TULP1: variants seen among roughly 807,000 people sequenced by gnomAD.
TULP1 encodes tubby-related protein 1.
A neutral mutation model predicts 67.1 loss-of-function variants in TULP1; 50 were observed. The ratio of observed to expected loss-of-function variants is 0.75; its 90% CI spans 0.59 to 0.94. The LOEUF (loss-of-function observed/expected upper bound fraction) is 0.94. Among genes scored for constraint, TULP1 ranks in the 40% least tolerant of loss-of-function variants. The pLI is 0.00. For synonymous variants in TULP1, 297 were observed against 294.0 expected, an observed-to-expected ratio of 1.01 and a Z score of -0.11; for missense variants, 746 against 734.1, an observed-to-expected ratio of 1.02 and a Z score of -0.19.
chr6:35,503,888 C>A lies in TULP1; in HGVS notation c.1113-40G>T. 1 of 1,487,194 alleles carries A rather than the reference C, an allele frequency of 6.7e-7. No individual in the cohort carries two copies. The highest frequency in any genetic ancestry group is 1.2e-5 in the South Asian group (1 of 84,998). 92.1% of individuals were successfully genotyped at this position (1,487,194 alleles called of 1,614,324 possible). On this transcript the variant is annotated intron_variant, in intron 11 of 14. Transcript: ENST00000229771. This position sits in a 1 kb window ranked among gnomAD's most constrained non-coding sequence, Gnocchi z 4.0. ...GAGCTTGGGGTGGGGCTGAGGGGAT[C>A]CTACATCCCTGCCCCAGGCCCCTTC... is the stretch of plus-strand genomic sequence containing the variant.
intron 13 of TULP1, among the ~76,000 whole-genome samples, chr6:35,500,910 T>C (rs1303986893): frequency 1.3e-5 from 2 of 152,258 alleles, no homozygotes; most frequent in African/African-American, 4.8e-5. Context: ...GCCCACAGGC[T>C]GAGTGAACCC....
rs777211292 is a variant in TULP1, at chr6:35,509,732, T to C, written c.620A>G (p.Lys207Arg). 1.9e-6 allele frequency: 3 copies of C among 1,614,054 alleles called. No individual in the cohort carries two copies. Among genetic ancestry groups the C allele is most frequent in the East Asian group, 4.5e-5 (2 of 44,848 alleles). ...TKKKGSGEAD[K>R]DPSGSPASAR... ...ACTGGCTGGGCTCCCTGAGGGGTCC[T>C]TGTCGGCCTCCCCAGACCCTGCATG... is the stretch of plus-strand genomic sequence containing the variant. The change falls in exon 7 of 15, where the codon AAG becomes AGG. Residue 207 changes from lysine (K) to arginine (R), a missense_variant. Around this residue, in one of 3 missense-constraint regions of TULP1, gnomAD observed 359 missense variants for 341.9 expected, o/e 1.05. Transcript: ENST00000229771.
At chr6:35,504,418 C>G (rs138925666) in intron 11 of TULP1, among the ~76,000 whole-genome samples, 34 of 152,302 alleles carry the variant, frequency 2.2e-4, no homozygotes, top group African/African-American at 7.5e-4. Flanking sequence ...CCATCTCTTA[C>G]TATTACTAGC....
Position 35,511,744 on chromosome 6 carries a change from G to T in TULP1, c.253C>A (p.Gln85Lys). The T allele has an allele frequency of 6.3e-7, 1 of 1,585,972 alleles. No individual in the cohort carries two copies. Among genetic ancestry groups the T allele is most frequent in the Non-Finnish European group, 8.6e-7 (1 of 1,166,590 alleles). ...CTGAGGAACCTGGCGTAGACCGTCTGCGGCGCCCGGGCCTGGGCTGGGTCT... is the reference window on the plus strand; with the variant it reads ...CTGAGGAACCTGGCGTAGACCGTCTTCGGCGCCCGGGCCTGGGCTGGGTCT... ...SPDPAQARAP[Q>K]TVYARFLRDP... The change falls in exon 4 of 15, where the codon CAG becomes AAG. Residue 85 changes from glutamine to lysine, a missense_variant. Gln to Lys is a moderately conservative substitution (Grantham distance 53). This residue lies in a region of TULP1 where 359 missense variants were observed against 341.9 expected (regional missense o/e 1.05). Transcript: ENST00000229771.
chr6:35,506,065 T>C lies in TULP1; in HGVS notation c.937A>G (p.Lys313Glu), dbSNP rs1761076886. 3 of 1,613,718 alleles carry C rather than the reference T, an allele frequency of 1.9e-6. No individual in the cohort carries two copies. The highest frequency in any genetic ancestry group is 2.7e-5 in the African/African-American group (2 of 74,934). Reference sequence around the variant, plus strand: ...TACATGCCTCGATCCATGCCCTTTTTGTCCCGGGTCAGCCGGCAGCGCACC... The same window carrying C: ...TACATGCCTCGATCCATGCCCTTTTCGTCCCGGGTCAGCCGGCAGCGCACC... ...RTVRCRLTRD[K>E]KGMDRGMYPS... is the part of the protein sequence containing the mutation. The change falls in exon 10 of 15, where the codon AAA (lysine) becomes GAA (glutamate). Residue 313 changes from lysine (K) to glutamate (E), a missense_variant. Physicochemically the swap from Lys to Glu is moderately conservative, Grantham distance 56. Coordinates refer to ENST00000229771, the MANE Select transcript of TULP1 (RefSeq NM_003322.6).
In TULP1 at chr6:35,509,248, CTTCT is replaced by C; in HGVS notation, c.779_782del (p.Lys260ArgfsTer49). 1 of 1,613,750 alleles carries C rather than the reference CTTCT, an allele frequency of 6.2e-7. No homozygotes were observed. The highest frequency in any genetic ancestry group is 8.5e-7 in the Non-Finnish European group (1 of 1,179,884). Reference sequence around the variant, plus strand: ...CTTTGGCTTTGCCCTTTTGATTGCTCTTCTTTATCACCGTAGCTGCCTCCTCCTC... The same window carrying C: ...CTTTGGCTTTGCCCTTTTGATTGCTCTTATCACCGTAGCTGCCTCCTCCTC... On this transcript the variant is annotated frameshift_variant, in exon 8 of 15. Coordinates refer to ENST00000229771, the MANE Select transcript of TULP1 (RefSeq NM_003322.6). LOFTEE classifies it high-confidence loss of function.
Position 35,503,498 on chromosome 6 carries a change from C to T in TULP1, c.1323+61G>A. 1 of 1,512,106 alleles carries T rather than the reference C, an allele frequency of 6.6e-7. No homozygotes were observed. Among genetic ancestry groups the T allele is most frequent in the South Asian group, 1.2e-5 (1 of 83,190 alleles). The allele number at this position is 1,512,106 out of a possible 1,614,324, so 93.7% of individuals were successfully genotyped here. A position where few individuals can be genotyped will look rare whatever the true frequency, so the allele number is the denominator to read the frequency against. ...CTCAGGGAGTTGGCTATTTCCTAAG[C>T]TGAGCCCCGACTCCTGTTTCTCACA... is the stretch of plus-strand genomic sequence containing the variant. On this transcript the variant is annotated intron_variant, in intron 13 of 14. Transcript: ENST00000229771. This position sits in a 1 kb window ranked among gnomAD's most constrained non-coding sequence, Gnocchi z 4.0.
Position 35,498,419 on chromosome 6 carries a change from C to T in TULP1, c.1537G>A (p.Ala513Thr). 1 of 1,613,940 alleles carries T rather than the reference C, an allele frequency of 6.2e-7. No homozygotes were observed. The highest frequency in any genetic ancestry group is 8.5e-7 in the Non-Finnish European group (1 of 1,180,018). Residue 513 changes from alanine to threonine, a missense_variant, in exon 15 of 15, where the codon GCC (alanine) becomes ACC (threonine). Transcript: ENST00000229771. This position sits in a 1 kb window ranked among gnomAD's most constrained non-coding sequence, Gnocchi z 6.7. ...GGGTACCGGTAGTCTAGGGTGAAGG[C>T]GTCCTCCGCCACGCGGCCGAACTGC... ...VLQFGRVAED[A>T]FTLDYRYPLC...
intron 3 of TULP1, 185 bp from the exon 4 acceptor site, chr6:35,511,991 C>G: frequency 1.4e-6 from 1 of 706,592 alleles, no homozygotes; most frequent in South Asian, 2.2e-5. Flanking sequence ...CCCCCTTCTA[C>G]CCCAACGCCA....
At chr6:35,510,752 T>G in intron 5 of TULP1, 109 bp downstream of exon 5, 1 of 1,601,246 alleles carries the variant, frequency 6.2e-7, no homozygotes, top group Non-Finnish European at 8.5e-7. Context: ...GTCACAGCAC[T>G]GGGTTCATTT....
chr6:35,497,927 A>C lies in TULP1; in HGVS notation c.*400T>G. On this transcript the variant is annotated 3_prime_UTR_variant, in exon 15 of 15. Coordinates refer to ENST00000229771, the MANE Select transcript of TULP1 (RefSeq NM_003322.6). ...TGTGGGTGCCTGGCCCTCGTCCCCC[A>C]TCACCTACCCCCTCCTCCTAGCCCG... 1 of 274,394 alleles carries C rather than the reference A, an allele frequency of 3.6e-6. No homozygotes were observed. The highest frequency in any genetic ancestry group is 7.1e-6 in the Non-Finnish European group (1 of 140,900). The allele number at this position is 274,394 out of a possible 1,614,324, so 17.0% of individuals were successfully genotyped here.
Position 35,498,590 on chromosome 6 carries a change from T to G in TULP1, c.1496-130A>C, listed in dbSNP as rs1561811657. On this transcript the variant is annotated intron_variant, in intron 14 of 14. Transcript: ENST00000229771. This position sits in a 1 kb window ranked among gnomAD's most constrained non-coding sequence, Gnocchi z 6.7. Reference sequence around the variant, plus strand: ...CTCCAACCCTCAGCCACCATCTCAGTTACTCAACACCCATCCCTTCTTCTA... The same window carrying G: ...CTCCAACCCTCAGCCACCATCTCAGGTACTCAACACCCATCCCTTCTTCTA... 1 of 1,375,140 alleles carries G rather than the reference T, an allele frequency of 7.3e-7. No homozygotes were observed. Among genetic ancestry groups the G allele is most frequent in the Non-Finnish European group, 9.9e-7 (1 of 1,005,078 alleles). The allele number at this position is 1,375,140 out of a possible 1,614,324, so 85.2% of individuals were successfully genotyped here. A position where few individuals can be genotyped will look rare whatever the true frequency, so the allele number is the denominator to read the frequency against.
chr6:35,509,511 G>A, intron 7 of TULP1, 123 bp downstream of exon 7: 2 of 1,143,960 alleles, frequency 1.7e-6, no homozygotes, highest in South Asian at 2.5e-5. Flanking sequence ...CCTGCACGTT[G>A]TCTGACTCTA....
rs571209046 is a variant in TULP1 at position 35,501,141 on chromosome 6, A to T, written c.1324-989T>A. Among the ~76,000 whole-genome samples, 5 of 152,308 alleles carry T rather than the reference A, an allele frequency of 3.3e-5. No homozygotes were observed. The East Asian group carries it at 9.6e-4, about 29-fold the overall frequency. Reference sequence around the variant, plus strand: ...TGCTAAAGAGCAGAGCACGGGACTGACACGTCTCTCCAGAACATCTCTCCA... The same window carrying T: ...TGCTAAAGAGCAGAGCACGGGACTGTCACGTCTCTCCAGAACATCTCTCCA... On this transcript the variant is annotated intron_variant, in intron 13 of 14. Coordinates refer to ENST00000229771, the MANE Select transcript of TULP1 (RefSeq NM_003322.6).
At chr6:35,500,475 G>A (rs1477349914) in intron 13 of TULP1, among the ~76,000 whole-genome samples, 1 of 152,202 alleles carries the variant, frequency 6.6e-6, no homozygotes, top group Non-Finnish European at 1.5e-5. Context: ...CTAATGACAG[G>A]ATGAGCCAAT....
chr6:35,507,081 A>G (rs1472074681), intron 8 of TULP1, among the ~76,000 whole-genome samples: 2 of 151,842 alleles, frequency 1.3e-5, no homozygotes, highest in African/African-American at 4.8e-5. Context: ...CCAGTAGAAT[A>G]TGGCAGAAGT....
At chr6:35,512,571 C>T in intron 2 of TULP1, 68 bp downstream of exon 2, 2 of 1,608,134 alleles carry the variant, frequency 1.2e-6, no homozygotes, top group South Asian at 2.2e-5. Flanking sequence ...CCCTAGACCC[C>T]CTACCCTGCG....
At chr6:35,499,180 G>A (rs1377767641) in intron 14 of TULP1, among the ~76,000 whole-genome samples, 7 of 152,188 alleles carry the variant, frequency 4.6e-5, no homozygotes, top group African/African-American at 1.4e-4. Flanking sequence ...TGGGAAGGAA[G>A]CCTTTCCAAC....
Position 35,502,163 on chromosome 6 carries a change from T to G in TULP1, c.1323+1396A>C, listed in dbSNP as rs1386287954. On this transcript the variant is annotated intron_variant, in intron 13 of 14. Coordinates refer to ENST00000229771, the MANE Select transcript of TULP1 (RefSeq NM_003322.6). ...CCTTCCCCTGTTTGACTTTTTTCTT[T>G]TTAAATTTTTTCTTTTTATTTTTTA... 1.3e-4 allele frequency among the ~76,000 whole-genome samples: 20 copies of G among 152,136 alleles called. No homozygotes were observed. The East Asian group carries it at 3.9e-3, about 29-fold the overall frequency.
Sources: allele counts gnomAD v4.1 joint callset (sites outside exome capture counted in the v4.1 genomes callset), GRCh38; gene constraint gnomAD v4.1.1; regional missense constraint gnomAD v4.1.1; non-coding constraint Gnocchi (gnomAD v3.1); transcripts MANE v1.5; gene names NCBI Gene and HGNC (gene_info 2026-07-23, HGNC 2026-07-21).